Variants in WDPCP observed in about 807,000 individuals in gnomAD.
WDPCP encodes the protein WD repeat containing planar cell polarity effector.
A neutral mutation model predicts 93.1 loss-of-function variants in WDPCP; 71 were observed. That is an observed-to-expected ratio of 0.76 (90% CI 0.63 to 0.93). The LOEUF is 0.93. Ranked by LOEUF, WDPCP falls within the 40% of genes least tolerant of loss-of-function variation. The pLI is 0.00. For synonymous variants in WDPCP, 315 were observed against 315.0 expected, an observed-to-expected ratio of 1.00 and a Z score of 0.00; for missense variants, 844 against 887.4, an observed-to-expected ratio of 0.95 and a Z score of 0.62.
intron 1 of WDPCP, among the ~76,000 whole-genome samples, chr2:63,542,010 A>G (rs1023093501): frequency 2.0e-5 from 3 of 151,506 alleles, no homozygotes; most frequent in Non-Finnish European, 4.4e-5. Flanking sequence ...ATACACACAC[A>G]CACTCTCTAT....
rs1248734175 is a variant in WDPCP at position 63,722,409 on chromosome 2, T to C, written n.309-71571A>G. ...CCGTCTGGGATGTGAGGAGCACCTC[T>C]GCCCGGCCGCGACCCCATCTGGGAG... is the stretch of plus-strand genomic sequence containing the variant. On this transcript the variant is annotated intron_variant and non_coding_transcript_variant, in intron 2 of 4. Transcript: ENST00000467687. Among the ~76,000 whole-genome samples the C allele has an allele frequency of 3.4e-5, 5 of 146,648 alleles. No individual in the cohort carries two copies. In the East Asian group the frequency reaches 1.0e-3, roughly 30 times the overall value.
intron 2 of WDPCP, among the ~76,000 whole-genome samples, chr2:63,681,944 T>C (rs1668704080): frequency 1.3e-5 from 2 of 152,210 alleles, no homozygotes; most frequent in South Asian, 4.1e-4. Flanking sequence ...ACAAAGCTGA[T>C]ATTTCCACAA....
chr2:63,702,316 GT>G (rs1558888025), intron 2 of WDPCP, among the ~76,000 whole-genome samples: 1 of 152,134 alleles, frequency 6.6e-6, no homozygotes, highest in Non-Finnish European at 1.5e-5. Context: ...GTGAGCCACC[GT>G]GCCCAGCCAA....
intron 3 of WDPCP, chr2:63,597,464 TC>T: frequency 6.6e-7 from 1 of 1,511,126 alleles, no homozygotes; most frequent in Non-Finnish European, 8.9e-7. Flanking sequence ...TCTTGTGGGC[TC>T]CATGCCAAGA....
At chr2:63,287,491 T>C (rs576401379) in intron 13 of WDPCP, among the ~76,000 whole-genome samples, 82 of 152,286 alleles carry the variant, frequency 5.4e-4, no homozygotes, top group African/African-American at 1.8e-3. Flanking sequence ...TAGTATTCCT[T>C]TCCTCAGGGC....
intron 3 of WDPCP, among the ~76,000 whole-genome samples, chr2:63,617,611 G>A (rs1389664187): frequency 6.6e-6 from 1 of 152,146 alleles, no homozygotes; most frequent in Non-Finnish European, 1.5e-5. Context: ...AGGAGGAAAT[G>A]TATAGTGAAT....
chr2:63,599,287 G>A (rs769935321), intron 3 of WDPCP: 4 of 1,609,652 alleles, frequency 2.5e-6, no homozygotes, highest in Non-Finnish European at 3.4e-6. Context: ...CCGAGCTAAA[G>A]CTCAAGTAAG....
chr2:63,214,933 T>G (rs1226844608), intron 14 of WDPCP, among the ~76,000 whole-genome samples: 1 of 152,182 alleles, frequency 6.6e-6, no homozygotes, highest in Non-Finnish European at 1.5e-5. Flanking sequence ...GAAGGACCAC[T>G]TCAAGGAGAA....
intron 1 of WDPCP, among the ~76,000 whole-genome samples, chr2:63,823,807 G>A (rs1671066294): frequency 6.6e-6 from 1 of 152,170 alleles, no homozygotes; most frequent in Admixed American, 6.5e-5. Context: ...AATGTGAACT[G>A]TAGAATGGAT....
At chr2:63,331,296 T>G (rs997205309) in intron 12 of WDPCP, among the ~76,000 whole-genome samples, 1 of 152,218 alleles carries the variant, frequency 6.6e-6, no homozygotes, top group Non-Finnish European at 1.5e-5. Context: ...TTTGTTGGTA[T>G]GAAATCTGAT....
At chr2:63,321,585 G>A (rs551098015) in intron 12 of WDPCP, among the ~76,000 whole-genome samples, 1 of 152,018 alleles carries the variant, frequency 6.6e-6, no homozygotes, top group African/African-American at 2.4e-5. Flanking sequence ...GCTTTACGAA[G>A]ATTCCTATCA....
intron 6 of WDPCP, among the ~76,000 whole-genome samples, chr2:63,461,417 C>A (rs754686053): frequency 2.0e-5 from 3 of 152,162 alleles, no homozygotes; most frequent in Non-Finnish European, 4.4e-5. Context: ...TCCCCCTTTG[C>A]CTTCCACCAT....
chr2:63,734,578 T>A (rs891402330), intron 2 of WDPCP, among the ~76,000 whole-genome samples: 20 of 152,214 alleles, frequency 1.3e-4, no homozygotes, highest in Non-Finnish European at 2.2e-4. Context: ...TTCACTGGAT[T>A]AAAACTTGTA....
intron 12 of WDPCP, among the ~76,000 whole-genome samples, chr2:63,322,458 T>G (rs1193600094): frequency 6.6e-6 from 1 of 152,044 alleles, no homozygotes; most frequent in African/African-American, 2.4e-5. Context: ...GCTGTAACAC[T>G]CACCGTGAAG....
intron 14 of WDPCP, among the ~76,000 whole-genome samples, chr2:63,231,191 G>C (rs542899370): frequency 9.2e-5 from 14 of 152,192 alleles, no homozygotes; most frequent in African/African-American, 3.1e-4. Context: ...AAAATAATAA[G>C]AGCTATTTAT....
chr2:63,821,187 C>G (rs1671012613), intron 1 of WDPCP, among the ~76,000 whole-genome samples: 1 of 152,132 alleles, frequency 6.6e-6, no homozygotes, highest in South Asian at 2.1e-4. Context: ...CTCTCACCCA[C>G]TAGACTATGA....
At chr2:63,463,828 C>T (rs1268087744) in intron 6 of WDPCP, among the ~76,000 whole-genome samples, 1 of 151,984 alleles carries the variant, frequency 6.6e-6, no homozygotes, top group Non-Finnish European at 1.5e-5. Flanking sequence ...ACATAATATA[C>T]AAAAATTAAC....
intron 2 of WDPCP, among the ~76,000 whole-genome samples, chr2:63,652,616 T>C (rs896281576): frequency 6.6e-6 from 1 of 152,218 alleles, no homozygotes; most frequent in African/African-American, 2.4e-5. Flanking sequence ...GCTTGATCAC[T>C]TCTAAAATGT....
intron 1 of WDPCP, among the ~76,000 whole-genome samples, chr2:63,543,042 G>C (rs1704862844): frequency 6.6e-6 from 1 of 152,138 alleles, no homozygotes; most frequent in Non-Finnish European, 1.5e-5. Flanking sequence ...AAGAGAAGTA[G>C]TAAAACATTA....
Sources: gnomAD v4.1 joint callset for allele counts (sites outside exome capture counted in the v4.1 genomes callset) on GRCh38, gnomAD v4.1.1 for gene constraint, MANE v1.5 for transcripts, NCBI Gene and HGNC (gene_info 2026-07-23, HGNC 2026-07-21) for gene names.